The following DAB1 variants were observed in gnomAD, a reference collection of about 807,000 sequenced individuals.
The protein encoded by DAB1 is disabled homolog 1.
In DAB1, 15 loss-of-function variants were observed where a neutral mutation model predicts 64.6. The ratio of observed to expected loss-of-function variants is 0.23; its 90% confidence interval spans 0.16 to 0.36. The LOEUF (loss-of-function observed/expected upper bound fraction) is 0.36, where lower values mean the gene tolerates loss of function less well. Ranked by LOEUF, DAB1 falls within the 10% of genes least tolerant of loss-of-function variation. The pLI is 1.00. For synonymous variants in DAB1, 235 were observed against 251.9 expected, an observed-to-expected ratio of 0.93 and a Z score of 0.64; for missense variants, 596 against 706.7, an observed-to-expected ratio of 0.84 and a Z score of 1.78.
chr1:57,796,747 G>A (rs533846646), intron 6 of DAB1, among the ~76,000 whole-genome samples: 79 of 152,098 alleles, frequency 5.2e-4, no homozygotes, highest in African/African-American at 1.7e-3. Context: ...TTGACTGCTT[G>A]GTTCTGCTGT....
At chr1:57,279,141 T>G (rs967824326) in intron 2 of DAB1, among the ~76,000 whole-genome samples, 1 of 152,150 alleles carries the variant, frequency 6.6e-6, no homozygotes, top group Non-Finnish European at 1.5e-5. Context: ...GAGATAGAAA[T>G]GATGTTTTCC....
Position 58,150,613 on chromosome 1 carries a change from G to T in DAB1, n.310-25C>A, listed in dbSNP as rs77481886. On this transcript the variant is annotated intron_variant and non_coding_transcript_variant, in intron 4 of 20. Coordinates refer to the DAB1 transcript ENST00000485760. ...TCTAAAAAAAAAAAAAAAAGTGGGA[G>T]CAGGTTGGGAGGCTCACTTTCCTGT... 215 of 150,530 alleles carry T rather than the reference G, an allele frequency of 1.4e-3. 1 individual carries two copies. The highest frequency in any genetic ancestry group is 5.0e-3 in the African/African-American group (207 of 41,022). The allele number at this position is 150,530 out of a possible 1,614,324, so 9.3% of individuals were successfully genotyped here. A position where few individuals can be genotyped will look rare whatever the true frequency, so the allele number is the denominator to read the frequency against.
At chr1:57,690,304 T>C (rs1252874080) in intron 6 of DAB1, among the ~76,000 whole-genome samples, 2 of 152,152 alleles carry the variant, frequency 1.3e-5, no homozygotes, top group African/African-American at 2.4e-5. Flanking sequence ...ACAAATCTCA[T>C]GTCAAATTGT....
intron 7 of DAB1, among the ~76,000 whole-genome samples, chr1:57,434,775 A>T (rs1685629391): frequency 1.3e-5 from 2 of 152,324 alleles, no homozygotes; most frequent in Admixed American, 6.5e-5. Flanking sequence ...GTAGGCAATT[A>T]TAATACAATG....
In DAB1 at chr1:57,907,761, G is replaced by A. The variant is rs529994139; in HGVS notation, n.388-23599C>T. ...TATGTGGCTCACAGATTAAAGTCAC[G>A]CGTTGCTTAACGATGGGGATACATG... On this transcript the variant is annotated intron_variant and non_coding_transcript_variant, in intron 5 of 20. Coordinates refer to the DAB1 transcript ENST00000485760. Among the ~76,000 whole-genome samples the A allele has an allele frequency of 6.6e-5, 10 of 152,072 alleles. No homozygotes were observed. The South Asian group carries it at 1.0e-3, about 16-fold the overall frequency.
At chr1:57,187,872 C>A (rs1302092920) in intron 2 of DAB1, among the ~76,000 whole-genome samples, 1 of 151,870 alleles carries the variant, frequency 6.6e-6, no homozygotes, top group Non-Finnish European at 1.5e-5. Flanking sequence ...AAAGAGAGAT[C>A]CCCCACAAAG....
chr1:57,594,723 TATTTA>T (rs1645485407), intron 7 of DAB1, among the ~76,000 whole-genome samples: 1 of 152,162 alleles, frequency 6.6e-6, no homozygotes, highest in Non-Finnish European at 1.5e-5. Flanking sequence ...TTTATTTATT[TATTTA>T]GAGACAGAGT....
intron 3 of DAB1, among the ~76,000 whole-genome samples, chr1:58,428,683 T>G (rs1434794383): frequency 1.3e-5 from 2 of 152,174 alleles, no homozygotes; most frequent in Non-Finnish European, 2.9e-5. Flanking sequence ...GTTCAAACAG[T>G]GTTATGTTTA....
intron 5 of DAB1, among the ~76,000 whole-genome samples, chr1:58,007,194 C>T (rs1169844977): frequency 6.6e-6 from 1 of 151,950 alleles, no homozygotes; most frequent in African/African-American, 2.4e-5. Context: ...CACAAAGAGG[C>T]TGATTAAAGC....
chr1:58,509,947 T>C (rs576022364), intron 2 of DAB1, among the ~76,000 whole-genome samples: 57 of 151,776 alleles, frequency 3.8e-4, no homozygotes, highest in Admixed American at 1.4e-3. Context: ...GAAAAAGAAA[T>C]AGGAAATATG....
chr1:57,611,153 A>G (rs17116114), intron 7 of DAB1, among the ~76,000 whole-genome samples: 2,721 of 41,782 alleles, frequency 0.065, 99 homozygotes, highest in African/African-American at 0.21. Context: ...TTTTGCATTT[A>G]TCTTTCCAAG....
chr1:58,182,159 T>C lies in DAB1; in HGVS notation n.310-31571A>G, dbSNP rs550026368. Among the ~76,000 whole-genome samples, 112 of 152,122 alleles carry C rather than the reference T, an allele frequency of 7.4e-4. 2 individuals carry two copies. Among genetic ancestry groups the C allele is most frequent in the African/African-American group, 2.6e-3 (107 of 41,448 alleles). ...AGGAAGTCAGTTGTGAATCTTATTT[T>C]CATTCCTCTGTATACAGTGAGTGTT... On this transcript the variant is annotated intron_variant and non_coding_transcript_variant, in intron 4 of 20. Transcript: ENST00000485760.
At chr1:57,137,099 T>C (rs1214497952) in intron 3 of DAB1, among the ~76,000 whole-genome samples, 1 of 152,126 alleles carries the variant, frequency 6.6e-6, no homozygotes, top group Non-Finnish European at 1.5e-5. Flanking sequence ...TTTTAGATAA[T>C]AGAAAATAAA....
At chr1:57,048,167 T>TA (rs1396849328) in intron 9 of DAB1, among the ~76,000 whole-genome samples, 3 of 152,114 alleles carry the variant, frequency 2.0e-5, no homozygotes, top group Non-Finnish European at 2.9e-5. Context: ...CCACCGCTGG[T>TA]AAGTAAGGGA....
At chr1:57,647,000 G>A (rs1356793764) in intron 7 of DAB1, among the ~76,000 whole-genome samples, 2 of 152,268 alleles carry the variant, frequency 1.3e-5, no homozygotes, top group South Asian at 4.1e-4. Flanking sequence ...TATGATTATA[G>A]TTTACCTCAT....
At chr1:57,480,463 TA>T (rs1644002474) in intron 7 of DAB1, among the ~76,000 whole-genome samples, 2 of 151,662 alleles carry the variant, frequency 1.3e-5, no homozygotes, top group Non-Finnish European at 2.9e-5. Context: ...TTGGATAAGA[TA>T]AATTTCATCA....
At chr1:57,284,981 A>T (rs1327355913) in intron 2 of DAB1, among the ~76,000 whole-genome samples, 1 of 152,264 alleles carries the variant, frequency 6.6e-6, no homozygotes, top group African/African-American at 2.4e-5. Context: ...GAATCCCATT[A>T]AAGCCTTGAT....
chr1:57,994,609 C>A (rs1396379112), intron 5 of DAB1, among the ~76,000 whole-genome samples: 1 of 152,202 alleles, frequency 6.6e-6, no homozygotes. Flanking sequence ...GGGGAGTAAG[C>A]ATCTCTGTGT....
intron 3 of DAB1, among the ~76,000 whole-genome samples, chr1:58,499,314 C>CAAAAAAAAAAAAAAAAAAAAAA (rs58217798): frequency 2.9e-5 from 2 of 69,742 alleles, no homozygotes; most frequent in Non-Finnish European, 2.8e-5. Flanking sequence ...CACATCTCTA[C>CAAAAAAAAAAAAAAAAAAAAAA]AAAAAAAAAA....
Sources: gnomAD v4.1 joint callset for allele counts (sites outside exome capture counted in the v4.1 genomes callset) on GRCh38, gnomAD v4.1.1 for gene constraint, MANE v1.5 for transcripts, NCBI Gene and HGNC (gene_info 2026-07-23, HGNC 2026-07-21) for gene names.